The following TMEM8B variants were observed in gnomAD, a reference collection of about 807,000 sequenced individuals.
TMEM8B encodes the protein transmembrane protein 8B.
In TMEM8B, 29 loss-of-function variants were observed where a neutral mutation model predicts 49.3. The observed-to-expected ratio is 0.59, with a 90% CI of 0.44 to 0.80. The LOEUF is 0.80. Ranked by LOEUF, TMEM8B falls within the 30% of genes least tolerant of loss-of-function variation. The pLI, the probability that TMEM8B is intolerant of heterozygous loss-of-function variation, is 0.00. For synonymous variants in TMEM8B, 264 were observed against 272.8 expected (o/e 0.97, Z 0.32); for missense variants, 575 against 658.5 (o/e 0.87, Z 1.39).
chr9:35,846,761 C>A, intron 9 of TMEM8B, 56 bp from the exon 10 acceptor site: 1 of 1,564,082 alleles, frequency 6.4e-7, no homozygotes. Context: ...CAAGCTGTGG[C>A]GTAGGCCCAT....
intron 1 of TMEM8B, among the ~76,000 whole-genome samples, chr9:35,833,665 C>T (rs937990923): frequency 6.6e-6 from 1 of 152,176 alleles, no homozygotes; most frequent in African/African-American, 2.4e-5. Flanking sequence ...AACTCACTGC[C>T]TCACTGGGCT....
intron 3 of TMEM8B, among the ~76,000 whole-genome samples, chr9:35,837,729 C>A (rs1830576140): frequency 6.6e-6 from 1 of 152,222 alleles, no homozygotes; most frequent in Non-Finnish European, 1.5e-5. Context: ...CAGAGTCTGG[C>A]ACATGATGCC....
chr9:35,854,082 G>A lies in TMEM8B; in HGVS notation c.*242G>A. 1 of 1,226,928 alleles carries A rather than the reference G, an allele frequency of 8.2e-7. No individual in the cohort carries two copies. The allele number at this position is 1,226,928 out of a possible 1,614,324, so 76.0% of individuals were successfully genotyped here. A position where few individuals can be genotyped will look rare whatever the true frequency, so the allele number is the denominator to read the frequency against. On this transcript the variant is annotated 3_prime_UTR_variant, in exon 13 of 13. Coordinates refer to ENST00000643932, the MANE Select transcript of TMEM8B (RefSeq NM_001042590.4). ...GGACTGGAGCCTATGCAGGCACAGA[G>A]TCCCTCAGGACCAAGGAGTCCCTCC...
chr9:35,833,625 C>T (rs962274843), intron 1 of TMEM8B, among the ~76,000 whole-genome samples: 1 of 152,204 alleles, frequency 6.6e-6, no homozygotes. Flanking sequence ...TCTGAATATT[C>T]CCAAGGGGCT....
Position 35,852,664 on chromosome 9 carries a change from TCTC to T in TMEM8B, c.2176-162_2176-160del, listed in dbSNP as rs1418328114. 3.3e-5 allele frequency among the ~76,000 whole-genome samples: 5 copies of T among 152,184 alleles called. No homozygotes were observed. The East Asian group carries it at 9.7e-4, about 29-fold the overall frequency. On this transcript the variant is annotated intron_variant, in intron 10 of 12. Transcript: ENST00000643932. ...AGACTGGACCTCCTTACCACATTCT[TCTC>T]AGGATTTGGGGAGTCAGGCATTTCC...
At chr9:35,843,076 C>T (rs938365452) in intron 6 of TMEM8B, among the ~76,000 whole-genome samples, 3 of 152,132 alleles carry the variant, frequency 2.0e-5, no homozygotes, top group African/African-American at 7.2e-5. Flanking sequence ...GTTTGGATAG[C>T]GCTGATTGCC....
Position 35,854,094 on chromosome 9 carries a change from C to G in TMEM8B, c.*254C>G. On this transcript the variant is annotated 3_prime_UTR_variant, in exon 13 of 13. Coordinates refer to ENST00000643932, the MANE Select transcript of TMEM8B (RefSeq NM_001042590.4). ...ATGCAGGCACAGAGTCCCTCAGGAC[C>G]AAGGAGTCCCTCCTGCAGGTGTGGA... The G allele has an allele frequency of 8.8e-7, 1 of 1,139,034 alleles. No homozygotes were observed. The highest frequency in any genetic ancestry group is 1.1e-6 in the Non-Finnish European group (1 of 903,566). The allele number at this position is 1,139,034 out of a possible 1,614,324, so 70.6% of individuals were successfully genotyped here.
rs1303772153 is a variant in TMEM8B at position 35,859,754 on chromosome 9, A to G, written c.*5914A>G. On this transcript the variant is annotated 3_prime_UTR_variant, in exon 13 of 13. Coordinates refer to ENST00000643932, the MANE Select transcript of TMEM8B (RefSeq NM_001042590.4). ...GGAAATTGTCTAGCATGAGAGGCAC[A>G]AAGGAGGAGGTGCCGCAGATGTCCA... 1 of 154,526 alleles carries G rather than the reference A, an allele frequency of 6.5e-6. No individual in the cohort carries two copies. Among genetic ancestry groups the G allele is most frequent in the Non-Finnish European group, 1.5e-5 (1 of 68,538 alleles). The allele number at this position is 154,526 out of a possible 1,614,324, so 9.6% of individuals were successfully genotyped here.
Position 35,846,485 on chromosome 9 carries a change from A to AACGCGACGGCCGAGGTGCGGAT in TMEM8B, c.1871_1892dup (p.Met631IlefsTer108). On this transcript the variant is annotated frameshift_variant, in exon 9 of 13. Transcript: ENST00000643932. LOFTEE classifies it high-confidence loss of function. The stretch of plus-strand genomic sequence containing the variant: ...TGTGCGCAGGTTCGTGCGGTGCCGC[A>AACGCGACGGCCGAGGTGCGGAT]ACGCGACGGCCGAGGTGCGGATGCG... 6.3e-7 allele frequency: 1 copy of AACGCGACGGCCGAGGTGCGGAT among 1,599,792 alleles called. No homozygotes were observed.
chr9:35,837,853 T>A (rs888163695), intron 3 of TMEM8B, among the ~76,000 whole-genome samples: 2 of 152,154 alleles, frequency 1.3e-5, no homozygotes, highest in African/African-American at 2.4e-5. Context: ...AGGTGCCCAG[T>A]TGCCAGTCTG....
intron 3 of TMEM8B, among the ~76,000 whole-genome samples, 192 bp from the exon 4 acceptor site, chr9:35,840,942 T>A (rs1238914813): frequency 6.6e-6 from 1 of 151,974 alleles, no homozygotes. Flanking sequence ...CAGACTGAGG[T>A]GGGACAGAGA....
At chr9:35,837,566 A>G (rs1386032282) in intron 3 of TMEM8B, among the ~76,000 whole-genome samples, 1 of 152,180 alleles carries the variant, frequency 6.6e-6, no homozygotes, top group Non-Finnish European at 1.5e-5. Context: ...GGGCCTTGAC[A>G]TTTGAACTGT....
chr9:35,846,198 T>TG (rs2132340014), intron 7 of TMEM8B, 60 bp from the exon 8 acceptor site: 1 of 1,608,382 alleles, frequency 6.2e-7, no homozygotes, highest in Admixed American at 1.7e-5. Flanking sequence ...AGCAGGTGGG[T>TG]GAGGGTTCTT....
chr9:35,844,314 T>C (rs1314481227), intron 6 of TMEM8B, among the ~76,000 whole-genome samples: 1 of 152,262 alleles, frequency 6.6e-6, no homozygotes, highest in East Asian at 1.9e-4. Context: ...TACTTCTTAG[T>C]CATTACTGTC....
Position 35,847,017 on chromosome 9 carries a change from T to C in TMEM8B, c.2175+22T>C, listed in dbSNP as rs1831664085. 2.5e-6 allele frequency: 4 copies of C among 1,614,210 alleles called. No homozygotes were observed. In the East Asian group the frequency reaches 8.9e-5, roughly 36 times the overall value. On this transcript the variant is annotated intron_variant, in intron 10 of 12. Coordinates refer to ENST00000643932, the MANE Select transcript of TMEM8B (RefSeq NM_001042590.4). The stretch of plus-strand genomic sequence containing the variant: ...CACGGTATGCGGTGGTGTCTGCATC[T>C]TATCACTGGGTGCTTGTGCATGGTG...
At chr9:35,831,095 C>A (rs1388686907) in intron 1 of TMEM8B, among the ~76,000 whole-genome samples, 1 of 152,166 alleles carries the variant, frequency 6.6e-6, no homozygotes, top group Non-Finnish European at 1.5e-5. Context: ...GTTCAGTGTA[C>A]AAACTTAAGG....
chr9:35,847,041 T>C, intron 10 of TMEM8B, 46 bp downstream of exon 10: 2 of 1,614,246 alleles, frequency 1.2e-6, no homozygotes, highest in South Asian at 2.2e-5. Context: ...TTGTGCATGG[T>C]GGTGGGTCAC....
In TMEM8B at chr9:35,865,286, A is replaced by C. The variant is rs9525; in HGVS notation, c.*11446A>C. 0.86 allele frequency: 130,155 copies of C among 152,138 alleles called. 56,356 individuals carry two copies. The highest frequency in any genetic ancestry group is 0.95 in the Middle Eastern group (280 of 294). The allele number at this position is 152,138 out of a possible 1,614,324, so 9.4% of individuals were successfully genotyped here. ...ATTGCCGTAAGGACCTGGATTCATC[A>C]AAGCTTAAAGTAAATTGCTTTGTAA... is the stretch of plus-strand genomic sequence containing the variant. On this transcript the variant is annotated 3_prime_UTR_variant, in exon 13 of 13. Coordinates refer to ENST00000643932, the MANE Select transcript of TMEM8B (RefSeq NM_001042590.4).
chr9:35,856,938 G>A lies in TMEM8B; in HGVS notation c.*3098G>A, dbSNP rs1832561435. ...TGGACGTAGCCGCTGAACCAGGCCT[G>A]TCTCCAGGCTCCCAAAATGGGAATC... is the stretch of plus-strand genomic sequence containing the variant. On this transcript the variant is annotated 3_prime_UTR_variant, in exon 13 of 13. Transcript: ENST00000643932. 1 of 152,206 alleles carries A rather than the reference G, an allele frequency of 6.6e-6. No individual in the cohort carries two copies. The highest frequency in any genetic ancestry group is 2.4e-5 in the African/African-American group (1 of 41,448). The allele number at this position is 152,206 out of a possible 1,614,324, so 9.4% of individuals were successfully genotyped here. A position where few individuals can be genotyped will look rare whatever the true frequency, so the allele number is the denominator to read the frequency against.
Sources: gnomAD v4.1 joint callset for allele counts (sites outside exome capture counted in the v4.1 genomes callset) on GRCh38, gnomAD v4.1.1 for gene constraint, MANE v1.5 for transcripts, NCBI Gene and HGNC (gene_info 2026-07-23, HGNC 2026-07-21) for gene names.